KCNH6: variants seen among roughly 807,000 people sequenced by gnomAD.
KCNH6 encodes potassium voltage-gated channel subfamily H member 6, also known as voltage-gated inwardly rectifying potassium channel KCNH6.
KCNH6 carries 81 observed loss-of-function variants against 83.4 expected under a neutral mutation model. That is an observed-to-expected ratio of 0.97 (90% CI 0.81 to 1.17). The LOEUF (loss-of-function observed/expected upper bound fraction) is 1.17, where lower values mean the gene tolerates loss of function less well. Among genes scored for constraint, KCNH6 ranks in the 50% most tolerant of loss-of-function variants. The pLI, the probability that KCNH6 is intolerant of heterozygous loss-of-function variation, is 0.00. For missense variants in KCNH6, 1,203 were observed against 1,290.5 expected, an observed-to-expected ratio of 0.93 and a Z score of 1.04; for synonymous variants, 503 against 545.6, an observed-to-expected ratio of 0.92 and a Z score of 1.09.
chr17:63,534,459 C>A lies in KCNH6; in HGVS notation c.1101+148C>A. The A allele has an allele frequency of 1.3e-6, 1 of 782,206 alleles. No homozygotes were observed. Among genetic ancestry groups the A allele is most frequent in the Non-Finnish European group, 2.0e-6 (1 of 500,682 alleles). 48.5% of individuals were successfully genotyped at this position (782,206 alleles called of 1,614,324 possible). A position where few individuals can be genotyped will look rare whatever the true frequency, so the allele number is the denominator to read the frequency against. On this transcript the variant is annotated intron_variant, in intron 5 of 12. Transcript: ENST00000314672. The surrounding 1 kb of genome is among the most constrained non-coding windows in gnomAD (Gnocchi z 5.0). ...GTGGAGGTGGAGAGGAGGCCCCAAA[C>A]ATCTGTCACCTCCCAGCCCTGGAGA... is the stretch of plus-strand genomic sequence containing the variant.
rs761580071 is a variant in KCNH6, at chr17:63,542,254, C to A, written c.1968C>A (p.Ile656=). The change falls in exon 9 of 13, where the codon ATC becomes ATA. Residue 656 remains isoleucine (I), a synonymous_variant. Coordinates refer to ENST00000314672, the MANE Select transcript of KCNH6 (RefSeq NM_001278919.2). The part of the protein sequence containing the change: ...VVVAILGKND[I]FGEPVSLHAQ... ...TCTGGCTGGCAGGAAAGAATGACAT[C>A]TTTGGGGAACCCGTCAGCCTCCATG... 3 of 1,613,778 alleles carry A rather than the reference C, an allele frequency of 1.9e-6. No individual in the cohort carries two copies. The African/African-American group carries it at 4.0e-5, about 22-fold the overall frequency.
chr17:63,548,690 A>G (rs548187399), downstream of KCNH6: 5 of 152,320 alleles, frequency 3.3e-5, no homozygotes, highest in African/African-American at 4.8e-5. Flanking sequence ...GTTAGTTCCT[A>G]TATCTGTGGA....
At chr17:63,526,898 C>T (rs2031754628) in intron 2 of KCNH6, among the ~76,000 whole-genome samples, 1 of 152,182 alleles carries the variant, frequency 6.6e-6, no homozygotes, top group Non-Finnish European at 1.5e-5. Flanking sequence ...TCAGAGACCC[C>T]TGGGAAACTG....
intron 8 of KCNH6, among the ~76,000 whole-genome samples, chr17:63,540,082 GC>G (rs2147711870): frequency 1.3e-5 from 2 of 152,286 alleles, no homozygotes; most frequent in South Asian, 4.1e-4. Context: ...GTCCTCCAAG[GC>G]TGGGCTTAGG....
At chr17:63,544,007 GC>G in intron 10 of KCNH6, 1 of 1,501,864 alleles carries the variant, frequency 6.7e-7, no homozygotes, top group South Asian at 1.3e-5. Flanking sequence ...TCCTCACCCT[GC>G]CAGGGTCTCC....
At chr17:63,524,096 T>C in intron 1 of KCNH6, 43 bp from the exon 2 acceptor site, 1 of 1,400,308 alleles carries the variant, frequency 7.1e-7, no homozygotes, top group Non-Finnish European at 1.0e-6. Flanking sequence ...AGCCGCTGGA[T>C]CCTGGCTCCC....
chr17:63,543,552 T>C (rs775895141), intron 9 of KCNH6, 24 bp from the exon 10 acceptor site: 2 of 1,534,580 alleles, frequency 1.3e-6, no homozygotes, highest in Non-Finnish European at 1.8e-6. Context: ...GTTCCTGTTA[T>C]TTCACCCTCT....
At chr17:63,548,741 C>T (rs760807712), downstream of KCNH6, 1 of 152,078 alleles carries the variant, frequency 6.6e-6, no homozygotes, top group African/African-American at 2.4e-5. Context: ...CAAGGTACCG[C>T]GAATTTTGTA....
chr17:63,536,860 AG>A (rs2032529877), intron 6 of KCNH6, among the ~76,000 whole-genome samples: 1 of 145,116 alleles, frequency 6.9e-6, no homozygotes, highest in South Asian at 2.3e-4. Flanking sequence ...AGGCTGAGGC[AG>A]GAGAATTGCT....
chr17:63,528,145 T>C (rs1224844406), intron 2 of KCNH6, among the ~76,000 whole-genome samples: 1 of 152,058 alleles, frequency 6.6e-6, no homozygotes, highest in African/African-American at 2.4e-5. Context: ...GCCAGAGAGA[T>C]TGACAATATA....
chr17:63,548,747 T>G (rs753259109), downstream of KCNH6: 1 of 152,210 alleles, frequency 6.6e-6, no homozygotes, highest in Non-Finnish European at 1.5e-5. Flanking sequence ...ACCGCGAATT[T>G]TGTACGTCTT....
chr17:63,546,169 G>A lies in KCNH6; in HGVS notation c.*267G>A, dbSNP rs2033138559. 2.9e-6 allele frequency: 1 copy of A among 349,146 alleles called. No homozygotes were observed. Among genetic ancestry groups the A allele is most frequent in the East Asian group, 5.3e-5 (1 of 18,734 alleles). The allele number at this position is 349,146 out of a possible 1,614,324, so 21.6% of individuals were successfully genotyped here. ...GCAGGAGAATGGCATGAACCCGGGA[G>A]GTGGAGGTTGCAGGGAGCCGAGGCC... On this transcript the variant is annotated 3_prime_UTR_variant, in exon 13 of 13. Coordinates refer to ENST00000314672, the MANE Select transcript of KCNH6 (RefSeq NM_001278919.2).
intron 2 of KCNH6, among the ~76,000 whole-genome samples, chr17:63,527,758 G>C (rs1054050211): frequency 3.3e-5 from 5 of 152,140 alleles, no homozygotes; most frequent in African/African-American, 1.2e-4. Flanking sequence ...CTTTTGTTGT[G>C]TGGGGGCTCT....
chr17:63,526,504 G>T (rs954332803), intron 2 of KCNH6, among the ~76,000 whole-genome samples: 1 of 150,804 alleles, frequency 6.6e-6, no homozygotes, highest in African/African-American at 2.4e-5. Context: ...CTACAGGCGC[G>T]CACCCTCACA....
intron 4 of KCNH6, among the ~76,000 whole-genome samples, chr17:63,532,827 T>C (rs2032211851): frequency 6.6e-6 from 1 of 152,112 alleles, no homozygotes; most frequent in African/African-American, 2.4e-5. Context: ...CAGTGTCTGA[T>C]GAGGCTGAGG....
intron 6 of KCNH6, among the ~76,000 whole-genome samples, chr17:63,536,997 G>A (rs1253883116): frequency 6.8e-6 from 1 of 146,990 alleles, no homozygotes; most frequent in Admixed American, 6.7e-5. Context: ...GACAGTGACA[G>A]CAGAGTATTA....
At chr17:63,525,541 C>T (rs2031651921) in intron 2 of KCNH6, among the ~76,000 whole-genome samples, 1 of 152,166 alleles carries the variant, frequency 6.6e-6, no homozygotes, top group Non-Finnish European at 1.5e-5. Flanking sequence ...GACCAGGTTT[C>T]AGGGGCCTGG....
rs2032650203 is a variant in KCNH6 at position 63,538,341 on chromosome 17, G to A, written c.1702-69G>A. 8 of 1,603,564 alleles carry A rather than the reference G, an allele frequency of 5.0e-6. No homozygotes were observed. The highest frequency in any genetic ancestry group is 2.2e-5 in the South Asian group (2 of 90,740). On this transcript the variant is annotated intron_variant, in intron 7 of 12. Coordinates refer to ENST00000314672, the MANE Select transcript of KCNH6 (RefSeq NM_001278919.2). This position sits in a 1 kb window ranked among gnomAD's most constrained non-coding sequence, Gnocchi z 4.0. ...CCTGCGGGGGCGGGGCGTCCCCAGAGCCCTCACCACCCTCTCCCCCAGCCC... is the reference window on the plus strand; with the variant it reads ...CCTGCGGGGGCGGGGCGTCCCCAGAACCCTCACCACCCTCTCCCCCAGCCC...
intron 6 of KCNH6, among the ~76,000 whole-genome samples, chr17:63,537,157 T>C (rs916044456): frequency 1.3e-5 from 2 of 151,972 alleles, no homozygotes; most frequent in Non-Finnish European, 2.9e-5. Context: ...AGAACCCAGG[T>C]AGTGCTAAAG....
Sources: allele counts gnomAD v4.1 joint callset (sites outside exome capture counted in the v4.1 genomes callset), GRCh38; gene constraint gnomAD v4.1.1; non-coding constraint Gnocchi (gnomAD v3.1); transcripts MANE v1.5; gene names NCBI Gene and HGNC (gene_info 2026-07-23, HGNC 2026-07-21).